The following PAPPA2 variants were observed in gnomAD, a reference collection of about 807,000 sequenced individuals.
PAPPA2 encodes the protein pappalysin-2.
PAPPA2 carries 86 observed loss-of-function variants against 176.4 expected under a neutral mutation model. The observed-to-expected ratio is 0.49, with a 90% confidence interval of 0.41 to 0.58. The LOEUF (loss-of-function observed/expected upper bound fraction) is 0.58, where lower values mean the gene tolerates loss of function less well. Among genes scored for constraint, PAPPA2 ranks in the 20% least tolerant of loss-of-function variants. The pLI, the probability that PAPPA2 is intolerant of heterozygous loss-of-function variation, is 0.00. For synonymous variants in PAPPA2, 809 were observed against 852.2 expected (o/e 0.95, Z 0.88); for missense variants, 2,073 against 2,256.9 (o/e 0.92, Z 1.65).
At chr1:176,738,694 A>T (rs1662531316) in intron 12 of PAPPA2, among the ~76,000 whole-genome samples, 1 of 152,176 alleles carries the variant, frequency 6.6e-6, no homozygotes, top group Admixed American at 6.5e-5. Flanking sequence ...CTCAATGGAA[A>T]TTAAGAGAAA....
intron 12 of PAPPA2, among the ~76,000 whole-genome samples, chr1:176,726,108 G>A (rs1661856931): frequency 6.6e-6 from 1 of 152,122 alleles, no homozygotes; most frequent in South Asian, 2.1e-4. Context: ...TAACATTCCT[G>A]GTGGGAAACT....
chr1:176,616,590 T>C (rs1655275020), intron 3 of PAPPA2: 2 of 1,555,544 alleles, frequency 1.3e-6, no homozygotes, highest in African/African-American at 1.4e-5. Flanking sequence ...AAAAGGCCAA[T>C]TGAGAACATG....
In PAPPA2 at chr1:176,525,917, A is replaced by G. The variant is rs1308725270; in HGVS notation, c.-916-29490A>G. On this transcript the variant is annotated intron_variant, in intron 1 of 22. Coordinates refer to ENST00000367662, the MANE Select transcript of PAPPA2 (RefSeq NM_020318.3). ...TTTGAACCAGTTCTAGTTTTAGGTG[A>G]TCTTCCCTGTTCTTCTCCTGAGTAG... 3.3e-5 allele frequency among the ~76,000 whole-genome samples: 5 copies of G among 152,208 alleles called. 1 individual carries two copies. The South Asian group carries it at 1.0e-3, about 32-fold the overall frequency.
At chr1:176,578,428 G>A (rs747312708) in intron 2 of PAPPA2, among the ~76,000 whole-genome samples, 2 of 152,158 alleles carry the variant, frequency 1.3e-5, no homozygotes, top group Non-Finnish European at 2.9e-5. Flanking sequence ...CCCCAAGACT[G>A]GAGGGAAATG....
At chr1:176,574,313 G>A (rs1317383518) in intron 2 of PAPPA2, among the ~76,000 whole-genome samples, 6 of 152,104 alleles carry the variant, frequency 3.9e-5, no homozygotes, top group South Asian at 2.1e-4. Flanking sequence ...CTCCAGGACC[G>A]TATAAATTAA....
chr1:176,698,020 T>G lies in PAPPA2; in HGVS notation c.2747-1080T>G, dbSNP rs140861131. On this transcript the variant is annotated intron_variant, in intron 7 of 22. Coordinates refer to ENST00000367662, the MANE Select transcript of PAPPA2 (RefSeq NM_020318.3). ...ACACACACAGTTGCACACACATATTTTTGAAATTAATAATATGTGTTTCTA... is the reference window on the plus strand; with the variant it reads ...ACACACACAGTTGCACACACATATTGTTGAAATTAATAATATGTGTTTCTA... Among the ~76,000 whole-genome samples, 20 of 152,268 alleles carry G rather than the reference T, an allele frequency of 1.3e-4. No homozygotes were observed. The East Asian group carries it at 3.3e-3, about 25-fold the overall frequency.
intron 17 of PAPPA2, among the ~76,000 whole-genome samples, chr1:176,787,017 C>T (rs1475672640): frequency 6.6e-6 from 1 of 152,026 alleles, no homozygotes; most frequent in Non-Finnish European, 1.5e-5. Context: ...GTACACCAAA[C>T]CACTGTGACA....
At chr1:176,652,271 T>G (rs1196441100) in intron 3 of PAPPA2, among the ~76,000 whole-genome samples, 4 of 151,792 alleles carry the variant, frequency 2.6e-5, no homozygotes, top group Non-Finnish European at 5.9e-5. Flanking sequence ...TTTACTTCAA[T>G]CTTCTCTTTT....
At chr1:176,706,661 A>G (rs567969590) in intron 10 of PAPPA2, among the ~76,000 whole-genome samples, 1 of 152,322 alleles carries the variant, frequency 6.6e-6, no homozygotes, top group South Asian at 2.1e-4. Flanking sequence ...CAGAGCTTAA[A>G]TAACTTGATT....
At chr1:176,759,409 G>A (rs1663589227) in intron 14 of PAPPA2, among the ~76,000 whole-genome samples, 1 of 152,028 alleles carries the variant, frequency 6.6e-6, no homozygotes, top group Admixed American at 6.5e-5. Context: ...TAAAATTGTT[G>A]TTAAATGCCC....
chr1:176,581,737 T>C (rs892550864), intron 2 of PAPPA2, among the ~76,000 whole-genome samples: 1 of 152,096 alleles, frequency 6.6e-6, no homozygotes, highest in Admixed American at 6.5e-5. Flanking sequence ...GAAATTCCTT[T>C]CTTGATTTCT....
chr1:176,788,437 G>A (rs996771269), intron 17 of PAPPA2, among the ~76,000 whole-genome samples: 1 of 152,230 alleles, frequency 6.6e-6, no homozygotes, highest in Non-Finnish European at 1.5e-5. Context: ...CTTAAAAGGG[G>A]TGTAATGAGA....
chr1:176,759,888 T>A (rs1663609827), intron 14 of PAPPA2, among the ~76,000 whole-genome samples: 1 of 152,200 alleles, frequency 6.6e-6, no homozygotes, highest in South Asian at 2.1e-4. Context: ...AACCTGCCCC[T>A]AAGTCTGAAC....
At chr1:176,525,047 A>C (rs6697937) in intron 1 of PAPPA2, among the ~76,000 whole-genome samples, 5,350 of 152,142 alleles carry the variant, frequency 0.035, 254 homozygotes, top group African/African-American at 0.12. Flanking sequence ...GTCTCAAAAA[A>C]AAAAAGTTAC....
At chr1:176,508,569 A>G (rs1648424200) in intron 1 of PAPPA2, among the ~76,000 whole-genome samples, 1 of 151,350 alleles carries the variant, frequency 6.6e-6, no homozygotes, top group South Asian at 2.1e-4. Context: ...AAAATGAAGT[A>G]TATATAGGAA....
chr1:176,626,564 T>C (rs1656031108), intron 3 of PAPPA2, among the ~76,000 whole-genome samples: 2 of 152,222 alleles, frequency 1.3e-5, no homozygotes, highest in Admixed American at 6.5e-5. Context: ...GGTTATTTAT[T>C]TTACAAAAAT....
At chr1:176,464,628 A>C (rs1482276391) in intron 1 of PAPPA2, among the ~76,000 whole-genome samples, 2 of 151,960 alleles carry the variant, frequency 1.3e-5, no homozygotes, top group African/African-American at 4.8e-5. Context: ...TTTTTCCCAA[A>C]CTCTCTCTAG....
chr1:176,640,088 A>G (rs1352993964), intron 3 of PAPPA2, among the ~76,000 whole-genome samples: 1 of 151,662 alleles, frequency 6.6e-6, no homozygotes, highest in African/African-American at 2.4e-5. Context: ...TTTTGTCACT[A>G]CAGTTCCTAT....
At chr1:176,524,081 C>T (rs1005515153) in intron 1 of PAPPA2, among the ~76,000 whole-genome samples, 4 of 152,264 alleles carry the variant, frequency 2.6e-5, no homozygotes, top group African/African-American at 9.6e-5. Flanking sequence ...AATTTTCAAG[C>T]TGCTCTAAAA....
Sources: allele counts gnomAD v4.1 joint callset (sites outside exome capture counted in the v4.1 genomes callset), GRCh38; gene constraint gnomAD v4.1.1; transcripts MANE v1.5; gene names NCBI Gene and HGNC (gene_info 2026-07-23, HGNC 2026-07-21).